The following CLSTN2 variants were observed in gnomAD, a reference collection of about 807,000 sequenced individuals.
The protein encoded by CLSTN2 is calsyntenin 2.
A neutral mutation model predicts 101.2 loss-of-function variants in CLSTN2; 48 were observed. The observed-to-expected ratio is 0.47, with a 90% CI of 0.38 to 0.60. The LOEUF is 0.60. Ranked by LOEUF, CLSTN2 falls within the 20% of genes least tolerant of loss-of-function variation. The probability of loss-of-function intolerance (pLI) is 0.00; values close to 1 mark genes in which losing one functional copy is unlikely to be tolerated. For synonymous variants in CLSTN2, 481 were observed against 463.6 expected (o/e 1.04, Z -0.48); for missense variants, 1,160 against 1,238.2 (o/e 0.94, Z 0.95).
At chr3:140,118,593 C>T (rs2009284600) in intron 1 of CLSTN2, among the ~76,000 whole-genome samples, 1 of 152,000 alleles carries the variant, frequency 6.6e-6, no homozygotes, top group African/African-American at 2.4e-5. Flanking sequence ...TGCCTAACCT[C>T]TCTTGGAAGA....
chr3:140,430,227 C>A (rs955019203), intron 5 of CLSTN2, among the ~76,000 whole-genome samples: 2 of 152,064 alleles, frequency 1.3e-5, no homozygotes, highest in Non-Finnish European at 2.9e-5. Flanking sequence ...GAGGTTCCAC[C>A]ATTGCAGTAC....
intron 1 of CLSTN2, among the ~76,000 whole-genome samples, chr3:140,137,624 G>A (rs2107807358): frequency 6.6e-6 from 1 of 152,126 alleles, no homozygotes; most frequent in East Asian, 1.9e-4. Flanking sequence ...AATGTGTTTG[G>A]CATTGCATAC....
At chr3:140,036,307 A>C (rs775500692) in intron 1 of CLSTN2, among the ~76,000 whole-genome samples, 9 of 152,184 alleles carry the variant, frequency 5.9e-5, no homozygotes, top group Admixed American at 6.5e-5. Flanking sequence ...CATTAATTAA[A>C]ACAATTATAG....
chr3:140,158,682 ACT>A (rs1366107775), intron 1 of CLSTN2, among the ~76,000 whole-genome samples: 2 of 152,176 alleles, frequency 1.3e-5, no homozygotes, highest in Non-Finnish European at 2.9e-5. Flanking sequence ...GGAAAAAAAG[ACT>A]CTAAAATTTA....
At chr3:140,277,058 C>T (rs1175041013) in intron 2 of CLSTN2, among the ~76,000 whole-genome samples, 2 of 152,162 alleles carry the variant, frequency 1.3e-5, no homozygotes, top group Admixed American at 6.6e-5. Flanking sequence ...TGCCTAAGCT[C>T]CTCCATGTAA....
chr3:140,554,598 G>C (rs1038266769), intron 10 of CLSTN2, among the ~76,000 whole-genome samples: 1 of 152,202 alleles, frequency 6.6e-6, no homozygotes, highest in Non-Finnish European at 1.5e-5. Flanking sequence ...CAATGGAGAA[G>C]TTGGCAACAT....
At chr3:140,473,844 G>A (rs959963504) in intron 8 of CLSTN2, among the ~76,000 whole-genome samples, 8 of 151,850 alleles carry the variant, frequency 5.3e-5, no homozygotes, top group African/African-American at 1.7e-4. Context: ...TGTAAGCTCC[G>A]CCTCCCGGGC....
chr3:140,173,255 G>A (rs1406887401), intron 1 of CLSTN2, among the ~76,000 whole-genome samples: 4 of 152,212 alleles, frequency 2.6e-5, no homozygotes, highest in Non-Finnish European at 5.9e-5. Flanking sequence ...CCAAAATCCA[G>A]TGTGGCTGTC....
At chr3:140,356,614 C>CCT (rs1257926807) in intron 2 of CLSTN2, among the ~76,000 whole-genome samples, 1 of 151,702 alleles carries the variant, frequency 6.6e-6, no homozygotes, top group Non-Finnish European at 1.5e-5. Context: ...AAAAATTAGC[C>CCT]GAGTGTGGTG....
At position 140,459,661 on chromosome 3, in the gene CLSTN2, C is replaced by A. The variant is rs1341072933; in HGVS notation, c.1114C>A (p.Pro372Thr). 6.2e-7 allele frequency: 1 copy of A among 1,613,948 alleles called. No homozygotes were observed. Among genetic ancestry groups the A allele is most frequent in the African/African-American group, 1.3e-5 (1 of 74,902 alleles). Residue 372 changes from proline (P) to threonine (T), a missense_variant, in exon 7 of 17, where the codon CCC (proline) becomes ACC (threonine). By Grantham distance (38) the Pro-to-Thr change is conservative (BLOSUM62 -1). Coordinates refer to ENST00000458420, the MANE Select transcript of CLSTN2 (RefSeq NM_022131.3). ...TGCCAAAGTCCCCGATGGGATTGTG[C>A]CCAAGAACCTGACCGATCAGTTCAC... The part of the protein sequence containing the change: ...QGAKVPDGIV[P>T]KNLTDQFTIT...
chr3:140,029,821 C>T (rs576203057), intron 1 of CLSTN2, among the ~76,000 whole-genome samples: 105 of 152,242 alleles, frequency 6.9e-4, no homozygotes, highest in African/African-American at 2.5e-3. Context: ...CTTATTTTCA[C>T]TCTCCAACTG....
intron 9 of CLSTN2, among the ~76,000 whole-genome samples, chr3:140,533,243 T>C (rs919074176): frequency 3.3e-5 from 5 of 152,320 alleles, no homozygotes; most frequent in African/African-American, 1.2e-4. Flanking sequence ...GGGCTGGGTA[T>C]GCTTTGAAGT....
intron 16 of CLSTN2, among the ~76,000 whole-genome samples, chr3:140,564,641 T>C (rs1006560773): frequency 6.6e-6 from 1 of 152,348 alleles, no homozygotes; most frequent in Admixed American, 6.5e-5. Context: ...AGATACTGTA[T>C]AGAGTGCTCT....
chr3:140,566,272 C>A lies in CLSTN2; in HGVS notation c.*19C>A. On this transcript the variant is annotated 3_prime_UTR_variant, in exon 17 of 17. Coordinates refer to ENST00000458420, the MANE Select transcript of CLSTN2 (RefSeq NM_022131.3). ...CTACTAGTGCCCAGGGGTCTGCTGC[C>A]TGGCCCACATGTCCCTTTTGTAAAC... 1.3e-6 allele frequency: 2 copies of A among 1,551,870 alleles called. No homozygotes were observed. Among genetic ancestry groups the A allele is most frequent in the Non-Finnish European group, 8.7e-7 (1 of 1,147,570 alleles).
At chr3:140,269,398 T>A (rs1047219966) in intron 2 of CLSTN2, among the ~76,000 whole-genome samples, 16 of 152,252 alleles carry the variant, frequency 1.1e-4, no homozygotes, top group Admixed American at 1.3e-4. Flanking sequence ...ACCTTTCTCC[T>A]GGCACGATGG....
At chr3:140,009,779 T>G (rs1002305876) in intron 1 of CLSTN2, among the ~76,000 whole-genome samples, 1 of 152,264 alleles carries the variant, frequency 6.6e-6, no homozygotes, top group African/African-American at 2.4e-5. Context: ...GATTTTCATA[T>G]GTATTTATTT....
chr3:140,385,357 CTTTTTTTTTTTTTTT>C (rs546696189), intron 2 of CLSTN2, among the ~76,000 whole-genome samples: 5 of 72,838 alleles, frequency 6.9e-5, no homozygotes, highest in Admixed American at 1.9e-4. Flanking sequence ...CCCTGATGTT[CTTTTTTTTTTTTTTT>C]TTTTTTTTTT....
chr3:140,324,375 C>A (rs748156203), intron 2 of CLSTN2, among the ~76,000 whole-genome samples: 6 of 152,078 alleles, frequency 3.9e-5, no homozygotes, highest in Non-Finnish European at 8.8e-5. Context: ...TTTTAAGTGA[C>A]ATGTAAAAAT....
chr3:140,340,268 AC>A (rs1211532021), intron 2 of CLSTN2, among the ~76,000 whole-genome samples: 1 of 152,260 alleles, frequency 6.6e-6, no homozygotes, highest in African/African-American at 2.4e-5. Context: ...TGTACTTCGT[AC>A]ATATACATCA....
Sources: allele counts gnomAD v4.1 joint callset (sites outside exome capture counted in the v4.1 genomes callset), GRCh38; gene constraint gnomAD v4.1.1; transcripts MANE v1.5; gene names NCBI Gene and HGNC (gene_info 2026-07-23, HGNC 2026-07-21).